Variants in PCDH15 observed in about 807,000 individuals in gnomAD.
PCDH15 encodes the protein protocadherin-15.
Under a neutral mutation model 178.5 loss-of-function variants are expected in PCDH15, and 129 were observed. The ratio of observed to expected loss-of-function variants is 0.72; its 90% CI spans 0.63 to 0.84. PCDH15 has a LOEUF of 0.84. Among genes scored for constraint, PCDH15 ranks in the 40% least tolerant of loss-of-function variants. PCDH15 has a pLI of 0.00. For synonymous variants in PCDH15, 800 were observed against 732.0 expected, an observed-to-expected ratio of 1.09 and a Z score of -1.50; for missense variants, 2,230 against 2,099.9, an observed-to-expected ratio of 1.06 and a Z score of -1.21.
intron 10 of PCDH15, among the ~76,000 whole-genome samples, chr10:54,206,857 A>G (rs1394334825): frequency 6.6e-6 from 1 of 152,070 alleles, no homozygotes; most frequent in Non-Finnish European, 1.5e-5. Context: ...TATGTGATAG[A>G]GTGCTAAGGA....
chr10:55,077,428 TTCCTTCCTTTCTTCCTTC>T, intron 2 of PCDH15, among the ~76,000 whole-genome samples: 1 of 149,270 alleles, frequency 6.7e-6, no homozygotes, highest in Non-Finnish European at 1.5e-5. Flanking sequence ...CCTTCCTTCC[TTCCTTCCTTTCTTCCTTC>T]CTTCCCTTCC....
chr10:53,842,376 G>A (rs957071813), intron 28 of PCDH15, among the ~76,000 whole-genome samples: 1 of 151,964 alleles, frequency 6.6e-6, no homozygotes, highest in African/African-American at 2.4e-5. Context: ...CCTGTCTCAC[G>A]CCTGGATTAC....
chr10:54,521,964 T>C (rs2082914782), intron 3 of PCDH15, among the ~76,000 whole-genome samples: 1 of 151,354 alleles, frequency 6.6e-6, no homozygotes, highest in African/African-American at 2.4e-5. Context: ...GGTGGGTGCA[T>C]GTGGTCCTAG....
At position 54,052,928 on chromosome 10, in the gene PCDH15, C is replaced by T. The variant is rs116426458; in HGVS notation, c.2220+13829G>A. ...GATGGTTTTCTAAGGAGCTTTTCCC[C>T]GCTTCGCTCTGAACCTCTCCTGCCC... On this transcript the variant is annotated intron_variant, in intron 18 of 37. Coordinates refer to ENST00000644397, the MANE Select transcript of PCDH15 (RefSeq NM_001384140.1). Among the ~76,000 whole-genome samples the T allele has an allele frequency of 9.6e-3, 1,459 of 152,232 alleles. 26 individuals are homozygous for T. The highest frequency in any genetic ancestry group is 0.033 in the African/African-American group (1,384 of 41,524).
chr10:54,082,333 T>C (rs1565210032), intron 16 of PCDH15, among the ~76,000 whole-genome samples: 1 of 152,114 alleles, frequency 6.6e-6, no homozygotes, highest in Non-Finnish European at 1.5e-5. Context: ...GCCAAAAACT[T>C]GCCAGGAAAG....
At chr10:54,407,287 T>C (rs1214428504) in intron 3 of PCDH15, among the ~76,000 whole-genome samples, 1 of 152,084 alleles carries the variant, frequency 6.6e-6, no homozygotes, top group Admixed American at 6.6e-5. Flanking sequence ...AGAGTGGCAG[T>C]TACATGTGTG....
At chr10:55,474,594 A>T (rs143456943) in intron 2 of PCDH15, among the ~76,000 whole-genome samples, 1 of 152,186 alleles carries the variant, frequency 6.6e-6, no homozygotes, top group Non-Finnish European at 1.5e-5. Context: ...AAGTTATTGT[A>T]TTCCACTTAA....
At chr10:54,962,909 G>A (rs1838692484) in intron 2 of PCDH15, among the ~76,000 whole-genome samples, 1 of 152,170 alleles carries the variant, frequency 6.6e-6, no homozygotes, top group Non-Finnish European at 1.5e-5. Context: ...TTTCTGGCTA[G>A]TGAAGCAACA....
At chr10:54,622,329 A>C (rs967971103) in intron 2 of PCDH15, among the ~76,000 whole-genome samples, 49 of 151,358 alleles carry the variant, frequency 3.2e-4, no homozygotes, top group South Asian at 2.5e-3. Context: ...TATCTCTGAT[A>C]AGAAACACTG....
At chr10:54,063,957 G>T (rs569086864) in intron 18 of PCDH15, among the ~76,000 whole-genome samples, 92 of 152,186 alleles carry the variant, frequency 6.0e-4, no homozygotes, top group Admixed American at 3.5e-3. Flanking sequence ...GGTGAGGGGG[G>T]TGGCAGCTAA....
chr10:54,496,648 T>G (rs1192215087), intron 3 of PCDH15, among the ~76,000 whole-genome samples: 1 of 152,158 alleles, frequency 6.6e-6, no homozygotes, highest in Non-Finnish European at 1.5e-5. Context: ...CAAATAGTTT[T>G]CACCTTTTCT....
At chr10:53,896,962 T>C (rs757067817) in intron 26 of PCDH15, among the ~76,000 whole-genome samples, 2 of 152,138 alleles carry the variant, frequency 1.3e-5, no homozygotes, top group Non-Finnish European at 2.9e-5. Flanking sequence ...GTAATAATAA[T>C]AGAAATAAAG....
At chr10:55,255,200 G>C (rs978899809) in intron 1 of PCDH15, among the ~76,000 whole-genome samples, 2 of 148,132 alleles carry the variant, frequency 1.4e-5, no homozygotes, top group African/African-American at 2.5e-5. Flanking sequence ...AGAACATGCG[G>C]TGTTTGGTTT....
At chr10:54,495,407 A>G (rs1328380152) in intron 3 of PCDH15, among the ~76,000 whole-genome samples, 3 of 152,182 alleles carry the variant, frequency 2.0e-5, no homozygotes, top group Non-Finnish European at 4.4e-5. Context: ...CTCCTTTATT[A>G]AGAGATTGTT....
rs149208928 is a variant in PCDH15 at position 53,809,503 on chromosome 10, T to G, written c.4671+1053A>C. 1,457 of 1,611,732 alleles carry G rather than the reference T, an allele frequency of 9.0e-4. 16 individuals are homozygous for G. In the African/African-American group the frequency reaches 0.018, roughly 19 times the overall value. On this transcript the variant is annotated intron_variant, in intron 37 of 37. Transcript: ENST00000644397. ...AACTACTTCTTCCTCCTCACTAGGC[T>G]CTCTAATTTCAACCTTTGGTTTTTT...
intron 2 of PCDH15, among the ~76,000 whole-genome samples, chr10:55,008,886 AAAAAC>A (rs1839989377): frequency 3.5e-5 from 4 of 113,906 alleles, no homozygotes; most frequent in South Asian, 3.0e-4. Flanking sequence ...ATCTTGTTTA[AAAAAC>A]AAAAACAAAA....
intron 1 of PCDH15, among the ~76,000 whole-genome samples, chr10:54,672,585 G>A (rs1363248084): frequency 1.3e-5 from 2 of 152,102 alleles, no homozygotes; most frequent in Non-Finnish European, 2.9e-5. Flanking sequence ...TTGGACCAGA[G>A]GATGGCCTCC....
At chr10:55,571,748 A>G (rs1403452964) in intron 2 of PCDH15, among the ~76,000 whole-genome samples, 1 of 152,132 alleles carries the variant, frequency 6.6e-6, no homozygotes, top group African/African-American at 2.4e-5. Context: ...AGAATGAGCT[A>G]CAAATAAACA....
At chr10:53,824,416 A>C (rs1166545505) in intron 32 of PCDH15, among the ~76,000 whole-genome samples, 1 of 152,192 alleles carries the variant, frequency 6.6e-6, no homozygotes, top group Non-Finnish European at 1.5e-5. Flanking sequence ...AATGAAATAA[A>C]AAAGAAATAT....
Sources: gnomAD v4.1 joint callset for allele counts (sites outside exome capture counted in the v4.1 genomes callset) on GRCh38, gnomAD v4.1.1 for gene constraint, MANE v1.5 for transcripts, NCBI Gene and HGNC (gene_info 2026-07-23, HGNC 2026-07-21) for gene names.